LRBA: variants seen among roughly 807,000 people sequenced by gnomAD.
LRBA encodes the protein lipopolysaccharide-responsive and beige-like anchor protein.
In LRBA, 176 loss-of-function variants were observed where a neutral mutation model predicts 330.0. That is an observed-to-expected ratio of 0.53 (90% CI 0.47 to 0.60). LRBA has a LOEUF of 0.60. Among genes scored for constraint, LRBA ranks in the 20% least tolerant of loss-of-function variants. LRBA has a pLI of 0.00. For missense variants in LRBA, 3,259 were observed against 3,444.8 expected, an observed-to-expected ratio of 0.95 and a Z score of 1.35; for synonymous variants, 1,230 against 1,193.0, an observed-to-expected ratio of 1.03 and a Z score of -0.64.
At chr4:150,520,436 G>A (rs946466997) in intron 40 of LRBA, among the ~76,000 whole-genome samples, 1 of 151,842 alleles carries the variant, frequency 6.6e-6, no homozygotes, top group Non-Finnish European at 1.5e-5. Flanking sequence ...TGGGCTTACA[G>A]ATATTTCAAC....
intron 34 of LRBA, among the ~76,000 whole-genome samples, chr4:150,772,764 A>C (rs915305226): frequency 6.6e-6 from 1 of 152,112 alleles, no homozygotes; most frequent in African/African-American, 2.4e-5. Context: ...GCACCATTAG[A>C]TCTCCTGGAG....
At position 150,828,168 on chromosome 4, in the gene LRBA, T is replaced by G. The variant is rs2126810355; in HGVS notation, c.5171+12A>C. The G allele has an allele frequency of 6.2e-7, 1 of 1,610,462 alleles. No individual in the cohort carries two copies. Among genetic ancestry groups the G allele is most frequent in the Middle Eastern group, 1.7e-4 (1 of 6,026 alleles). The stretch of plus-strand genomic sequence containing the variant: ...GTAGAAACATACCAAAACGAAAAAC[T>G]ATTATCAGTACCTGTCAAAAGATCT... On this transcript the variant is annotated intron_variant, in intron 30 of 56. Transcript: ENST00000651943.
In LRBA at chr4:150,852,254, G is replaced by A; in HGVS notation, c.3456C>T (p.Asp1152=). The stretch of plus-strand genomic sequence containing the variant: ...GTTTTCCTTCTTGAAATATTAATTT[G>A]TCATCATTACCAAACATGTCCAGTT... ...GEKLDMFGND[D]KLIFQEGKPV... is the part of the protein sequence containing the mutation. Residue 1152 remains aspartate, a synonymous_variant, in exon 23 of 57, where the codon GAC becomes GAT. Transcript: ENST00000651943. 1 of 1,614,008 alleles carries A rather than the reference G, an allele frequency of 6.2e-7. No homozygotes were observed. Among genetic ancestry groups the A allele is most frequent in the Non-Finnish European group, 8.5e-7 (1 of 1,179,944 alleles).
At chr4:150,672,467 GTACATC>G (rs1423356744) in intron 37 of LRBA, among the ~76,000 whole-genome samples, 1 of 151,708 alleles carries the variant, frequency 6.6e-6, no homozygotes, top group Non-Finnish European at 1.5e-5. Context: ...CTAAGAAAAT[GTACATC>G]TACAATTTCC....
At chr4:150,366,137 A>G (rs906643381) in intron 47 of LRBA, among the ~76,000 whole-genome samples, 7 of 152,178 alleles carry the variant, frequency 4.6e-5, no homozygotes, top group African/African-American at 1.7e-4. Flanking sequence ...TTAAAATACT[A>G]TAACTGATAA....
At chr4:150,879,591 C>T (rs1728145765) in intron 17 of LRBA, among the ~76,000 whole-genome samples, 1 of 152,156 alleles carries the variant, frequency 6.6e-6, no homozygotes, top group African/African-American at 2.4e-5. Flanking sequence ...CTCTTCATGA[C>T]AATATAATTC....
chr4:150,377,352 G>A (rs536881397), intron 47 of LRBA, among the ~76,000 whole-genome samples: 5 of 152,258 alleles, frequency 3.3e-5, no homozygotes, highest in Admixed American at 6.5e-5. Flanking sequence ...AACTGTATTC[G>A]TTTATGCAAT....
At chr4:150,629,599 A>G (rs1777178733) in intron 37 of LRBA, among the ~76,000 whole-genome samples, 1 of 151,882 alleles carries the variant, frequency 6.6e-6, no homozygotes, top group South Asian at 2.1e-4. Flanking sequence ...AGGTCACACT[A>G]CTGTACTACA....
intron 40 of LRBA, among the ~76,000 whole-genome samples, chr4:150,578,923 A>G (rs1204541745): frequency 6.6e-6 from 1 of 152,236 alleles, no homozygotes; most frequent in Non-Finnish European, 1.5e-5. Flanking sequence ...GCCTAAGCCA[A>G]ACAAACAAGA....
intron 36 of LRBA, among the ~76,000 whole-genome samples, chr4:150,709,064 T>C (rs1663544611): frequency 6.6e-6 from 1 of 151,846 alleles, no homozygotes; most frequent in Non-Finnish European, 1.5e-5. Flanking sequence ...CTACATTATA[T>C]AATTTTACTC....
At position 150,433,018 on chromosome 4, in the gene LRBA, T is replaced by C. The variant is rs183923077; in HGVS notation, c.7041+2571A>G. Among the ~76,000 whole-genome samples, 354 of 152,250 alleles carry C rather than the reference T, an allele frequency of 2.3e-3. 1 individual carries two copies. Among genetic ancestry groups the C allele is most frequent in the African/African-American group, 8.2e-3 (340 of 41,542 alleles). ...TTACTATCCTACAGATATTAGGGCA[T>C]GGTGATGGAGATGGAGAAGGAGAAT... On this transcript the variant is annotated intron_variant, in intron 46 of 56. Transcript: ENST00000651943.
intron 2 of LRBA, among the ~76,000 whole-genome samples, chr4:150,997,890 G>A (rs1742857880): frequency 6.6e-6 from 1 of 151,880 alleles, no homozygotes; most frequent in Non-Finnish European, 1.5e-5. Context: ...TTTTAGTAGA[G>A]ACAGGGTTTC....
At chr4:150,858,956 A>G (rs1231037794) in intron 22 of LRBA, among the ~76,000 whole-genome samples, 2 of 152,202 alleles carry the variant, frequency 1.3e-5, no homozygotes, top group African/African-American at 4.8e-5. Context: ...TAAACCAATT[A>G]GAGAATTCTT....
intron 46 of LRBA, among the ~76,000 whole-genome samples, chr4:150,420,291 A>AT (rs900922523): frequency 2.0e-5 from 3 of 147,668 alleles, no homozygotes; most frequent in African/African-American, 7.4e-5. Flanking sequence ...TATATATATA[A>AT]TACACATTAT....
chr4:150,302,672 A>C lies in LRBA; in HGVS notation c.7970T>G (p.Leu2657Arg), dbSNP rs748993188. ...ACTGCATTTTCCATTCCAATACCAC[A>C]GCAAAAGAGTTGCATCACGTGACCC... ...LSGSRDATLL[L>R]WYWNGKCSGI... Residue 2657 changes from leucine (L) to arginine (R), a missense_variant, in exon 53 of 57, where the codon CTG becomes CGG. By Grantham distance (102) the Leu-to-Arg change is moderately radical. Transcript: ENST00000651943. 6.2e-7 allele frequency: 1 copy of C among 1,613,114 alleles called. No homozygotes were observed. Among genetic ancestry groups the C allele is most frequent in the African/African-American group, 1.3e-5 (1 of 75,018 alleles).
intron 37 of LRBA, among the ~76,000 whole-genome samples, chr4:150,619,659 T>C (rs1238023281): frequency 6.6e-6 from 1 of 152,166 alleles, no homozygotes; most frequent in Admixed American, 6.5e-5. Context: ...TGTAATTAAA[T>C]AACTAGTTGA....
chr4:150,630,589 T>C (rs1046102951), intron 37 of LRBA, among the ~76,000 whole-genome samples: 1 of 152,160 alleles, frequency 6.6e-6, no homozygotes, highest in African/African-American at 2.4e-5. Context: ...TTACACTGTT[T>C]TAAACAAATA....
intron 33 of LRBA, among the ~76,000 whole-genome samples, chr4:150,800,976 C>T (rs936777103): frequency 6.6e-6 from 1 of 152,148 alleles, no homozygotes; most frequent in African/African-American, 2.4e-5. Context: ...GATTAAATGA[C>T]TCACCAGACA....
At chr4:150,496,785 T>A (rs1759643083) in intron 40 of LRBA, among the ~76,000 whole-genome samples, 1 of 152,070 alleles carries the variant, frequency 6.6e-6, no homozygotes, top group South Asian at 2.1e-4. Context: ...TATATATCAA[T>A]AACAATATTT....
Sources: gnomAD v4.1 joint callset for allele counts (sites outside exome capture counted in the v4.1 genomes callset) on GRCh38, gnomAD v4.1.1 for gene constraint, MANE v1.5 for transcripts, NCBI Gene and HGNC (gene_info 2026-07-23, HGNC 2026-07-21) for gene names.